ITGBL1: variants seen among roughly 807,000 people sequenced by gnomAD.
The protein encoded by ITGBL1 is integrin subunit beta like 1, also known as integrin beta-like protein 1.
Under a neutral mutation model 68.5 loss-of-function variants are expected in ITGBL1, and 51 were observed. The ratio of observed to expected loss-of-function variants is 0.74; its 90% CI spans 0.59 to 0.94. ITGBL1 has a LOEUF of 0.94. ITGBL1 is among the 40% of genes least tolerant of loss of function. ITGBL1 has a pLI of 0.00. For missense variants in ITGBL1, 649 were observed against 647.4 expected, an observed-to-expected ratio of 1.00 and a Z score of -0.03; for synonymous variants, 209 against 227.3, an observed-to-expected ratio of 0.92 and a Z score of 0.72.
chr13:101,579,260 A>G, intron 4 of ITGBL1, 27 bp from the exon 5 acceptor site: 1 of 1,600,372 alleles, frequency 6.2e-7, no homozygotes. Flanking sequence ...TTTTTTCCTC[A>G]CTGTATAAAA....
intron 7 of ITGBL1, among the ~76,000 whole-genome samples, chr13:101,621,160 G>A (rs1328092032): frequency 1.3e-5 from 2 of 152,078 alleles, no homozygotes; most frequent in African/African-American, 2.4e-5. Context: ...TATCATACAC[G>A]TTCTTCTGAA....
chr13:101,658,694 A>G (rs921103962), intron 7 of ITGBL1, among the ~76,000 whole-genome samples: 3 of 152,158 alleles, frequency 2.0e-5, no homozygotes, highest in African/African-American at 7.2e-5. Flanking sequence ...GTAATGGCAT[A>G]AAAGTGCTAA....
chr13:101,604,884 A>ATGTG (rs1328932640), intron 7 of ITGBL1, among the ~76,000 whole-genome samples: 1 of 66,624 alleles, frequency 1.5e-5, no homozygotes, highest in African/African-American at 5.3e-5. Context: ...ATATATATAT[A>ATGTG]TATACACACA....
At chr13:101,464,276 A>G (rs1365868183) in intron 2 of ITGBL1, among the ~76,000 whole-genome samples, 2 of 151,660 alleles carry the variant, frequency 1.3e-5, no homozygotes, top group African/African-American at 4.8e-5. Context: ...CCTTCTCATC[A>G]CATTTCTGTT....
At chr13:101,715,348 A>AT in intron 10 of ITGBL1, 1 of 533,274 alleles carries the variant, frequency 1.9e-6, no homozygotes, top group Non-Finnish European at 3.4e-6. Context: ...TCTGATCGGT[A>AT]AAGGGTGGCA....
At chr13:101,497,261 A>G (rs2048870486) in intron 2 of ITGBL1, among the ~76,000 whole-genome samples, 2 of 152,250 alleles carry the variant, frequency 1.3e-5, no homozygotes. Flanking sequence ...TAAGTACTGT[A>G]AAAGAATGAT....
chr13:101,453,913 C>A lies in ITGBL1; in HGVS notation c.129C>A (p.Ser43=). 7.6e-7 allele frequency: 1 copy of A among 1,316,094 alleles called. No individual in the cohort carries two copies. The allele number at this position is 1,316,094 out of a possible 1,614,324, so 81.5% of individuals were successfully genotyped here. Residue 43 remains serine, a synonymous_variant, in exon 2 of 11, where the codon TCC becomes TCA. Coordinates refer to ENST00000376180, the MANE Select transcript of ITGBL1 (RefSeq NM_004791.3). ...RSWPGAACRL[S]RAESERRCRA... ...GGCCGGGCGCCGCCTGCAGGCTGTC[C>A]CGGGCCGAGTCGGAGCGACGCTGCC...
At chr13:101,638,732 G>A (rs1016407217) in intron 7 of ITGBL1, among the ~76,000 whole-genome samples, 1 of 152,070 alleles carries the variant, frequency 6.6e-6, no homozygotes, top group Admixed American at 6.6e-5. Context: ...ATCTCCCACT[G>A]GGTCCCTCCC....
At chr13:101,625,583 A>G in intron 7 of ITGBL1, among the ~76,000 whole-genome samples, 1 of 149,838 alleles carries the variant, frequency 6.7e-6, no homozygotes, top group Non-Finnish European at 1.5e-5. Context: ...ATGAAGTTTC[A>G]CTCTTGTTGC....
chr13:101,603,109 T>G (rs1171565256), intron 7 of ITGBL1, among the ~76,000 whole-genome samples: 1 of 151,998 alleles, frequency 6.6e-6, no homozygotes, highest in Non-Finnish European at 1.5e-5. Flanking sequence ...GTGGAATTGC[T>G]GGGTCATAGA....
chr13:101,534,323 T>C (rs2049533282), intron 2 of ITGBL1, among the ~76,000 whole-genome samples: 1 of 152,138 alleles, frequency 6.6e-6, no homozygotes. Context: ...GTCTTAGAAT[T>C]GAGAAAGGTT....
chr13:101,584,925 TA>T (rs899114161), intron 6 of ITGBL1, among the ~76,000 whole-genome samples: 2 of 151,084 alleles, frequency 1.3e-5, no homozygotes, highest in East Asian at 3.9e-4. Context: ...GGTTTTATCC[TA>T]AAAAAAATAG....
At chr13:101,666,517 T>TC (rs992656507) in intron 7 of ITGBL1, among the ~76,000 whole-genome samples, 3 of 151,430 alleles carry the variant, frequency 2.0e-5, no homozygotes, top group African/African-American at 7.3e-5. Flanking sequence ...CATGTTTTTT[T>TC]TTTCTCGTGA....
chr13:101,633,477 C>T (rs2032056354), intron 7 of ITGBL1, among the ~76,000 whole-genome samples: 1 of 152,140 alleles, frequency 6.6e-6, no homozygotes, highest in Non-Finnish European at 1.5e-5. Context: ...GTTCTTCCAT[C>T]CATGCATGTT....
intron 2 of ITGBL1, among the ~76,000 whole-genome samples, chr13:101,489,552 C>G (rs1248029891): frequency 6.6e-5 from 10 of 152,022 alleles, no homozygotes; most frequent in Admixed American, 2.6e-4. Flanking sequence ...GAGCAGCTGA[C>G]ATAGTTGAAT....
chr13:101,503,650 G>A (rs12856109), intron 2 of ITGBL1, among the ~76,000 whole-genome samples: 11,082 of 152,224 alleles, frequency 0.073, 538 homozygotes, highest in African/African-American at 0.14. Flanking sequence ...CCCGAAAAAT[G>A]AGGAACCACT....
intron 6 of ITGBL1, among the ~76,000 whole-genome samples, chr13:101,590,468 G>C (rs2050632304): frequency 6.6e-6 from 1 of 152,092 alleles, no homozygotes; most frequent in African/African-American, 2.4e-5. Context: ...CTTAGTGGCA[G>C]ATGACATTCT....
chr13:101,712,933 TGTCA>T (rs2034541939), intron 9 of ITGBL1: 1 of 152,214 alleles, frequency 6.6e-6, no homozygotes, highest in African/African-American at 2.4e-5. Flanking sequence ...ACCACAGGGC[TGTCA>T]GTCAATTATT....
intron 2 of ITGBL1, among the ~76,000 whole-genome samples, chr13:101,540,630 T>C (rs1009250435): frequency 6.6e-6 from 1 of 152,218 alleles, no homozygotes; most frequent in African/African-American, 2.4e-5. Flanking sequence ...ATTGAACCTA[T>C]AAATTACTTT....
Sources: gnomAD v4.1 joint callset for allele counts (sites outside exome capture counted in the v4.1 genomes callset) on GRCh38, gnomAD v4.1.1 for gene constraint, MANE v1.5 for transcripts, NCBI Gene and HGNC (gene_info 2026-07-23, HGNC 2026-07-21) for gene names.